The following LOC122539214 variants were observed in gnomAD, a reference collection of about 807,000 sequenced individuals.
At chr19:52,652,635 A>G in the LOC122539214 span, 3 of 491,146 alleles carry the variant, frequency 6.1e-6, no homozygotes, top group Non-Finnish European at 8.1e-6. Context: ...CACATTTACT[A>G]CACTTGTAAG....
chr19:52,687,988 C>T, the LOC122539214 span, among the ~76,000 whole-genome samples: 5 of 151,942 alleles, frequency 3.3e-5, no homozygotes, highest in African/African-American at 1.2e-4. Context: ...CAACTGGAAG[C>T]TAACCTCTGA....
chr19:52,677,900 T>C, the LOC122539214 span, among the ~76,000 whole-genome samples: 5 of 151,884 alleles, frequency 3.3e-5, no homozygotes, highest in Non-Finnish European at 7.4e-5. Context: ...CTGGGCATGG[T>C]GGCACGTGCC....
At chr19:52,670,850 G>GT in the LOC122539214 span, among the ~76,000 whole-genome samples, 1 of 152,196 alleles carries the variant, frequency 6.6e-6, no homozygotes, top group Non-Finnish European at 1.5e-5. Context: ...ATTAGAATTG[G>GT]TTGAGTTTGT....
At chr19:52,685,758 C>A in the LOC122539214 span, among the ~76,000 whole-genome samples, 1 of 151,944 alleles carries the variant, frequency 6.6e-6, no homozygotes, top group Non-Finnish European at 1.5e-5. Flanking sequence ...ATGAGCCAGG[C>A]ATGGTGGCAG....
the LOC122539214 span, among the ~76,000 whole-genome samples, chr19:52,667,604 C>G: frequency 1.3e-5 from 2 of 152,110 alleles, no homozygotes; most frequent in Admixed American, 1.3e-4. Flanking sequence ...AAGGTTTAAG[C>G]AAGTTTCAAA....
At chr19:52,673,985 CA>C in the LOC122539214 span, among the ~76,000 whole-genome samples, 29 of 131,724 alleles carry the variant, frequency 2.2e-4, no homozygotes, top group Admixed American at 2.7e-4. Context: ...CACTGCCCTG[CA>C]GCCTGGGTAA....
chr19:52,680,606 A>ATTTT, the LOC122539214 span, among the ~76,000 whole-genome samples: 336 of 88,952 alleles, frequency 3.8e-3, 3 homozygotes, highest in African/African-American at 4.7e-3. Flanking sequence ...TCCACAAAAT[A>ATTTT]TTTTTTTTTT....
At chr19:52,667,224 GAA>G in the LOC122539214 span, among the ~76,000 whole-genome samples, 17,118 of 85,918 alleles carry the variant, frequency 0.2, 1,258 homozygotes, top group African/African-American at 0.27. Flanking sequence ...TATCATCTTT[GAA>G]AAAAAAAAAA....
the LOC122539214 span, among the ~76,000 whole-genome samples, chr19:52,672,572 T>C: frequency 5.3e-5 from 8 of 152,206 alleles, no homozygotes; most frequent in African/African-American, 1.9e-4. Context: ...ACATAGCACC[T>C]CATCTTTATG....
the LOC122539214 span, among the ~76,000 whole-genome samples, chr19:52,661,947 G>T: frequency 6.6e-6 from 1 of 152,126 alleles, no homozygotes; most frequent in Admixed American, 6.5e-5. Context: ...CCAGGTGAAG[G>T]CCCTGAGACA....
the LOC122539214 span, among the ~76,000 whole-genome samples, chr19:52,683,226 C>CTGTGTG: frequency 7.4e-6 from 1 of 135,652 alleles, no homozygotes; most frequent in African/African-American, 2.7e-5. Flanking sequence ...TGCCCTGTGA[C>CTGTGTG]TCTGTGTGTG....
the LOC122539214 span, among the ~76,000 whole-genome samples, chr19:52,668,717 T>A: frequency 1.3e-5 from 2 of 152,192 alleles, no homozygotes; most frequent in Non-Finnish European, 2.9e-5. Flanking sequence ...GGATCAAATA[T>A]TCCCTCTGCA....
At chr19:52,673,554 T>C in the LOC122539214 span, among the ~76,000 whole-genome samples, 2 of 151,964 alleles carry the variant, frequency 1.3e-5, no homozygotes, top group Non-Finnish European at 2.9e-5. Flanking sequence ...AAAAAAAATA[T>C]AGAAAGTCAC....
the LOC122539214 span, among the ~76,000 whole-genome samples, chr19:52,689,863 C>T: frequency 1.6e-4 from 25 of 152,230 alleles, no homozygotes; most frequent in Non-Finnish European, 1.0e-4. Context: ...CAGGCAAGAA[C>T]ACCCCGTGTC....
At chr19:52,667,079 C>T in the LOC122539214 span, among the ~76,000 whole-genome samples, 1 of 152,136 alleles carries the variant, frequency 6.6e-6, no homozygotes, top group Admixed American at 6.5e-5. Flanking sequence ...AAATCCCAAA[C>T]TTACAACGTT....
chr19:52,656,331 G>A, the LOC122539214 span, among the ~76,000 whole-genome samples: 2 of 151,812 alleles, frequency 1.3e-5, no homozygotes, highest in Non-Finnish European at 2.9e-5. Context: ...AGACCAACCT[G>A]GGCTACATTG....
the LOC122539214 span, among the ~76,000 whole-genome samples, chr19:52,674,510 C>G: frequency 4.6e-5 from 7 of 152,222 alleles, no homozygotes; most frequent in African/African-American, 1.7e-4. Flanking sequence ...TGACACGATC[C>G]TCTGTGTAGA....
At chr19:52,679,779 T>G in the LOC122539214 span, among the ~76,000 whole-genome samples, 1 of 152,298 alleles carries the variant, frequency 6.6e-6, no homozygotes, top group South Asian at 2.1e-4. Context: ...GTGTTCTTCA[T>G]GAATTTTCTG....
At chr19:52,675,765 G>C in the LOC122539214 span, among the ~76,000 whole-genome samples, 19,957 of 152,224 alleles carry the variant, frequency 0.13, 1,387 homozygotes, top group African/African-American at 0.14. Context: ...GTGCATGCAT[G>C]TCTGTGGGAA....
Sources: allele counts gnomAD v4.1 joint callset (sites outside exome capture counted in the v4.1 genomes callset), GRCh38; gene constraint gnomAD v4.1.1; transcripts MANE v1.5.